The following FARS2 variants were observed in gnomAD, a reference collection of about 807,000 sequenced individuals.
FARS2 encodes the protein phenylalanyl-tRNA synthetase 2, mitochondrial.
A neutral mutation model predicts 46.4 loss-of-function variants in FARS2; 40 were observed. That is an observed-to-expected ratio of 0.86 (90% CI 0.67 to 1.12). The LOEUF is 1.12. Ranked by LOEUF, FARS2 falls within the 50% of genes most tolerant of loss-of-function variation. The probability of loss-of-function intolerance (pLI) is 0.00; values close to 1 mark genes in which losing one functional copy is unlikely to be tolerated. For synonymous variants in FARS2, 234 were observed against 214.9 expected, an observed-to-expected ratio of 1.09 and a Z score of -0.78; for missense variants, 513 against 567.9, an observed-to-expected ratio of 0.90 and a Z score of 0.98.
chr6:5,466,351 C>T (rs1297826630), intron 4 of FARS2, among the ~76,000 whole-genome samples: 1 of 152,174 alleles, frequency 6.6e-6, no homozygotes, highest in African/African-American at 2.4e-5. Context: ...GTACCTCTCT[C>T]CGGTGCCATT....
chr6:5,613,522 C>T (rs777280907), intron 6 of FARS2, among the ~76,000 whole-genome samples: 40 of 152,202 alleles, frequency 2.6e-4, no homozygotes, highest in Non-Finnish European at 5.1e-4. Context: ...TTCCATCTTT[C>T]CTGCCTTAGT....
intron 5 of FARS2, chr6:5,609,473 G>A: frequency 7.4e-6 from 9 of 1,220,654 alleles, no homozygotes; most frequent in Non-Finnish European, 1.1e-5. Context: ...CATCCGCCCT[G>A]CCACCATATC....
intron 1 of FARS2, among the ~76,000 whole-genome samples, chr6:5,308,683 A>G (rs1322665439): frequency 1.3e-5 from 2 of 152,220 alleles, no homozygotes; most frequent in African/African-American, 4.8e-5. Context: ...TTGGCTGACA[A>G]TGCAGCTCCA....
chr6:5,771,238 C>T, intron 6 of FARS2, 53 bp from the exon 7 acceptor site: 4 of 1,609,246 alleles, frequency 2.5e-6, no homozygotes, highest in Non-Finnish European at 3.4e-6. Context: ...ACTGCTCCTT[C>T]AGGCACAGCC....
intron 6 of FARS2, among the ~76,000 whole-genome samples, chr6:5,621,641 C>T (rs1395592010): frequency 3.9e-5 from 6 of 152,182 alleles, no homozygotes; most frequent in African/African-American, 1.4e-4. Flanking sequence ...GTATGTCTGT[C>T]TCCCTTCTAA....
chr6:5,690,457 A>T (rs2150860366), intron 6 of FARS2, among the ~76,000 whole-genome samples: 1 of 151,004 alleles, frequency 6.6e-6, no homozygotes, highest in Non-Finnish European at 1.5e-5. Context: ...TCACTTATGA[A>T]GCTTAGTTTG....
chr6:5,706,731 C>G (rs1758787592), intron 6 of FARS2, among the ~76,000 whole-genome samples: 1 of 152,238 alleles, frequency 6.6e-6, no homozygotes, highest in Admixed American at 6.5e-5. Context: ...TGTGTATGGA[C>G]TGAGAAATGC....
chr6:5,262,974 C>G (rs551508584), intron 1 of FARS2, among the ~76,000 whole-genome samples: 1 of 152,296 alleles, frequency 6.6e-6, no homozygotes, highest in South Asian at 2.1e-4. Flanking sequence ...GCTGATTTCT[C>G]TTGATACACT....
At chr6:5,412,036 G>A (rs1292333997) in intron 3 of FARS2, among the ~76,000 whole-genome samples, 1 of 152,190 alleles carries the variant, frequency 6.6e-6, no homozygotes, top group Non-Finnish European at 1.5e-5. Context: ...TGGCCTTGTA[G>A]CACAGTTTAG....
At chr6:5,581,135 G>T (rs1037064342) in intron 5 of FARS2, among the ~76,000 whole-genome samples, 6 of 152,224 alleles carry the variant, frequency 3.9e-5, no homozygotes, top group African/African-American at 1.4e-4. Flanking sequence ...AACTGGATTT[G>T]CAGCATCAAT....
intron 5 of FARS2, among the ~76,000 whole-genome samples, chr6:5,552,258 C>T (rs765461194): frequency 3.9e-4 from 59 of 152,100 alleles, no homozygotes; most frequent in Non-Finnish European, 6.3e-4. Context: ...GTTGACCTGC[C>T]TTGAGAAAAA....
At chr6:5,464,523 A>G (rs796596272) in intron 4 of FARS2, among the ~76,000 whole-genome samples, 124 of 152,282 alleles carry the variant, frequency 8.1e-4, no homozygotes, top group African/African-American at 2.9e-3. Flanking sequence ...TTGCTTTGTC[A>G]CTTTTTCCCT....
chr6:5,467,181 T>G (rs1192293299), intron 4 of FARS2: 1 of 589,618 alleles, frequency 1.7e-6, no homozygotes, highest in Non-Finnish European at 2.1e-6. Flanking sequence ...ATTTTTTGAC[T>G]GTATGAATTT....
At chr6:5,324,817 G>A (rs1375557295) in intron 1 of FARS2, among the ~76,000 whole-genome samples, 1 of 152,150 alleles carries the variant, frequency 6.6e-6, no homozygotes, top group African/African-American at 2.4e-5. Context: ...CAAGGTCACT[G>A]TGTACTTCAC....
intron 1 of FARS2, among the ~76,000 whole-genome samples, chr6:5,305,154 T>C (rs1236810848): frequency 6.6e-6 from 1 of 152,236 alleles, no homozygotes; most frequent in East Asian, 1.9e-4. Flanking sequence ...GGAAAGATAC[T>C]GTGATTAATT....
intron 6 of FARS2, among the ~76,000 whole-genome samples, chr6:5,690,940 C>A (rs1475445566): frequency 2.0e-5 from 3 of 152,186 alleles, no homozygotes; most frequent in Non-Finnish European, 2.9e-5. Context: ...CGCTTCATTT[C>A]GTTCATTTGA....
intron 6 of FARS2, among the ~76,000 whole-genome samples, chr6:5,617,611 G>A (rs1380680647): frequency 6.6e-6 from 1 of 152,220 alleles, no homozygotes; most frequent in Non-Finnish European, 1.5e-5. Flanking sequence ...GTGTTTAGTG[G>A]TATTTCCAGA....
At chr6:5,706,246 C>A (rs1327366782) in intron 6 of FARS2, among the ~76,000 whole-genome samples, 1 of 152,226 alleles carries the variant, frequency 6.6e-6, no homozygotes, top group Non-Finnish European at 1.5e-5. Flanking sequence ...TGCTCACTCA[C>A]CCAACCCTCA....
chr6:5,446,028 T>G (rs911544291), intron 4 of FARS2, among the ~76,000 whole-genome samples: 5 of 152,020 alleles, frequency 3.3e-5, no homozygotes, highest in Non-Finnish European at 4.4e-5. Context: ...TGAAACCCCG[T>G]CTCTACTAAA....
Sources: allele counts gnomAD v4.1 joint callset (sites outside exome capture counted in the v4.1 genomes callset), GRCh38; gene constraint gnomAD v4.1.1; transcripts MANE v1.5; gene names NCBI Gene and HGNC (gene_info 2026-07-23, HGNC 2026-07-21).